NEK3: variants seen among roughly 807,000 people sequenced by gnomAD.
NEK3 encodes serine/threonine-protein kinase Nek3.
Under a neutral mutation model 66.0 loss-of-function variants are expected in NEK3, and 54 were observed. That is an observed-to-expected ratio of 0.82 (90% CI 0.66 to 1.03). NEK3 has a LOEUF of 1.03. NEK3 is among the 50% of genes least tolerant of loss of function. The pLI, the probability that NEK3 is intolerant of heterozygous loss-of-function variation, is 0.00. For missense variants in NEK3, 593 were observed against 603.0 expected (o/e 0.98, Z 0.17); for synonymous variants, 200 against 206.2 (o/e 0.97, Z 0.26).
In NEK3 at chr13:52,144,633, C is replaced by G. The variant is rs568331031; in HGVS notation, c.804+58G>C. On this transcript the variant is annotated intron_variant, in intron 9 of 15. Coordinates refer to ENST00000610828, the MANE Select transcript of NEK3 (RefSeq NM_002498.3). ...TGTAATGTATAATGTTAAAAGATAA[C>G]AAACCATTTTACCATACACTTGAAA... The G allele has an allele frequency of 4.4e-6, 6 of 1,365,198 alleles. No individual in the cohort carries two copies. In the East Asian group the frequency reaches 1.4e-4, roughly 32 times the overall value. 84.6% of individuals were successfully genotyped at this position (1,365,198 alleles called of 1,614,324 possible). A position where few individuals can be genotyped will look rare whatever the true frequency, so the allele number is the denominator to read the frequency against.
chr13:52,142,352 C>T (rs980404213), intron 10 of NEK3, among the ~76,000 whole-genome samples: 2 of 151,750 alleles, frequency 1.3e-5, no homozygotes, highest in African/African-American at 4.8e-5. Flanking sequence ...TCTCGGCTCA[C>T]TGCAACCTCC....
In NEK3 at chr13:52,140,336, C is replaced by T. The variant is rs192310740; in HGVS notation, c.927+684G>A. On this transcript the variant is annotated intron_variant, in intron 11 of 15. Coordinates refer to ENST00000610828, the MANE Select transcript of NEK3 (RefSeq NM_002498.3). Reference sequence around the variant, plus strand: ...AATAATCAAAAATGGAGGCCGGGCACGGTGGCTCACGCCTGTAATCCCAGC... The same window carrying T: ...AATAATCAAAAATGGAGGCCGGGCATGGTGGCTCACGCCTGTAATCCCAGC... Among the ~76,000 whole-genome samples the T allele has an allele frequency of 2.1e-4, 32 of 151,280 alleles. 2 individuals carry two copies. The Middle Eastern group carries it at 0.02, about 96-fold the overall frequency.
At chr13:52,134,908 G>T (rs1956190155) in intron 14 of NEK3, among the ~76,000 whole-genome samples, 1 of 152,082 alleles carries the variant, frequency 6.6e-6, no homozygotes, top group South Asian at 2.1e-4. Context: ...CTTAGGGCAG[G>T]AATTGTGTTT....
chr13:52,141,085 G>C lies in NEK3; in HGVS notation c.878-16C>G, dbSNP rs745565448. On this transcript the variant is annotated splice_polypyrimidine_tract_variant and intron_variant, in intron 10 of 15. Transcript: ENST00000610828. The stretch of plus-strand genomic sequence containing the variant: ...CTGGGGTTTGCTTTTAAAAGAGAGA[G>C]AGAAGGTAGAAAGATAAAACACATA... 1 of 1,590,000 alleles carries C rather than the reference G, an allele frequency of 6.3e-7. No individual in the cohort carries two copies. Among genetic ancestry groups the C allele is most frequent in the South Asian group, 1.2e-5 (1 of 86,942 alleles).
In NEK3 at chr13:52,153,220, T is replaced by C. The variant is rs561787490; in HGVS notation, c.310-528A>G. On this transcript the variant is annotated intron_variant, in intron 4 of 15. Coordinates refer to ENST00000610828, the MANE Select transcript of NEK3 (RefSeq NM_002498.3). Reference sequence around the variant, plus strand: ...ACAGTTAAATGTCAAACTAATTTTTTTTTTCCCTCTTGCTACGGAGATTCT... The same window carrying C: ...ACAGTTAAATGTCAAACTAATTTTTCTTTTCCCTCTTGCTACGGAGATTCT... Among the ~76,000 whole-genome samples the C allele has an allele frequency of 5.2e-4, 79 of 152,280 alleles. No homozygotes were observed. In the South Asian group the frequency reaches 7.2e-3, roughly 14 times the overall value.
chr13:52,133,515 C>A (rs1021381968), intron 15 of NEK3, among the ~76,000 whole-genome samples, 174 bp downstream of exon 15: 2 of 151,892 alleles, frequency 1.3e-5, no homozygotes, highest in Admixed American at 6.6e-5. Context: ...TAAGGCATTA[C>A]CCATCCCAGA....
rs140271551 is a variant in NEK3 at position 52,149,522 on chromosome 13, T to C, written c.549-1053A>G. Among the ~76,000 whole-genome samples, 862 of 152,318 alleles carry C rather than the reference T, an allele frequency of 5.7e-3. 4 individuals are homozygous for C. The highest frequency in any genetic ancestry group is 0.02 in the African/African-American group (834 of 41,574). ...TATCTAGGTCCCCCAATCATTCTCA[T>C]TGGCCATGTTTGCGTGCTAATCTCC... is the stretch of plus-strand genomic sequence containing the variant. On this transcript the variant is annotated intron_variant, in intron 7 of 15. Coordinates refer to ENST00000610828, the MANE Select transcript of NEK3 (RefSeq NM_002498.3).
chr13:52,135,351 A>G (rs550276938), intron 14 of NEK3, among the ~76,000 whole-genome samples: 4 of 152,316 alleles, frequency 2.6e-5, no homozygotes, highest in African/African-American at 9.6e-5. Context: ...CTCTTCAAAG[A>G]AAGTAGTAGC....
chr13:52,135,163 TA>T (rs1956192610), intron 14 of NEK3, among the ~76,000 whole-genome samples: 1 of 152,086 alleles, frequency 6.6e-6, no homozygotes, highest in Non-Finnish European at 1.5e-5. Flanking sequence ...GAGAGTATTA[TA>T]AAAAAATTAT....
chr13:52,138,648 G>C (rs1312729606), intron 11 of NEK3, among the ~76,000 whole-genome samples: 1 of 152,140 alleles, frequency 6.6e-6, no homozygotes, highest in African/African-American at 2.4e-5. Flanking sequence ...GAAAGGTTAG[G>C]CCAGGTGAAG....
At chr13:52,155,836 T>C (rs1373027218) in intron 2 of NEK3, among the ~76,000 whole-genome samples, 4 of 151,882 alleles carry the variant, frequency 2.6e-5, no homozygotes, top group African/African-American at 9.7e-5. Flanking sequence ...GCCACCACAC[T>C]TGCCTAATTT....
intron 7 of NEK3, among the ~76,000 whole-genome samples, chr13:52,150,310 G>A (rs1281389664): frequency 6.6e-6 from 1 of 152,134 alleles, no homozygotes; most frequent in Non-Finnish European, 1.5e-5. Flanking sequence ...CAACAACAGA[G>A]GGATTACTAA....
Position 52,153,782 on chromosome 13 carries a change from A to G in NEK3, c.309+113T>C. Reference sequence around the variant, plus strand: ...ACCAATTCAGAAATCAGTCATTTCTATCTACCTTCTCGGGTAATTACAGAT... The same window carrying G: ...ACCAATTCAGAAATCAGTCATTTCTGTCTACCTTCTCGGGTAATTACAGAT... On this transcript the variant is annotated intron_variant, in intron 4 of 15. Transcript: ENST00000610828. The G allele has an allele frequency of 1.1e-5, 8 of 710,858 alleles. No individual in the cohort carries two copies. The South Asian group carries it at 1.3e-4, about 11-fold the overall frequency. The allele number at this position is 710,858 out of a possible 1,614,324, so 44.0% of individuals were successfully genotyped here.
intron 10 of NEK3, among the ~76,000 whole-genome samples, chr13:52,143,160 C>CAAAAAAAAAAA: frequency 6.6e-6 from 1 of 152,042 alleles, no homozygotes. Flanking sequence ...CTACTAAATT[C>CAAAAAAAAAAA]AAAAAATTAG....
Position 52,151,316 on chromosome 13 carries a change from C to T in NEK3, c.461+9G>A. On this transcript the variant is annotated intron_variant, in intron 6 of 15. Coordinates refer to ENST00000610828, the MANE Select transcript of NEK3 (RefSeq NM_002498.3). The stretch of plus-strand genomic sequence containing the variant: ...ATTACTGTCACTACCGTAGAACAGA[C>T]ATACATACTTGGAGAGAAGACGGGC... The T allele has an allele frequency of 6.3e-7, 1 of 1,598,278 alleles. No homozygotes were observed. Among genetic ancestry groups the T allele is most frequent in the Non-Finnish European group, 8.5e-7 (1 of 1,171,886 alleles).
In NEK3 at chr13:52,153,456, A is replaced by C. The variant is rs7987262; in HGVS notation, c.309+439T>G. Among the ~76,000 whole-genome samples, 559 of 152,314 alleles carry C rather than the reference A, an allele frequency of 3.7e-3. 4 individuals are homozygous for C. Among genetic ancestry groups the C allele is most frequent in the African/African-American group, 0.013 (545 of 41,578 alleles). On this transcript the variant is annotated intron_variant, in intron 4 of 15. Transcript: ENST00000610828. ...TTCCACTAAAAAGGCAGCAAGTCTT[A>C]GACTGAAGGGACCACTTCAAGCTTT...
intron 11 of NEK3, 33 bp downstream of exon 11, chr13:52,140,987 C>G: frequency 6.4e-7 from 1 of 1,551,412 alleles, no homozygotes; most frequent in African/African-American, 1.4e-5. Flanking sequence ...GCCACCGCGC[C>G]CGGCCTCATA....
At chr13:52,146,643 C>T (rs78157420) in intron 8 of NEK3, among the ~76,000 whole-genome samples, 2,924 of 152,264 alleles carry the variant, frequency 0.019, 45 homozygotes, top group Non-Finnish European at 0.032. Context: ...TTGGGCTGTA[C>T]ATTGTAATCA....
chr13:52,146,749 A>G (rs1310591857), intron 8 of NEK3, among the ~76,000 whole-genome samples: 3 of 152,166 alleles, frequency 2.0e-5, no homozygotes, highest in African/African-American at 7.2e-5. Context: ...AAGGTTCCCC[A>G]AGTTGTTCTA....
Sources: gnomAD v4.1 joint callset for allele counts (sites outside exome capture counted in the v4.1 genomes callset) on GRCh38, gnomAD v4.1.1 for gene constraint, MANE v1.5 for transcripts, NCBI Gene and HGNC (gene_info 2026-07-23, HGNC 2026-07-21) for gene names.